The following APBB1IP variants were observed in gnomAD, a reference collection of about 807,000 sequenced individuals.
APBB1IP encodes the protein amyloid beta precursor protein binding family B member 1 interacting protein.
APBB1IP carries 27 observed loss-of-function variants against 64.9 expected under a neutral mutation model. The observed-to-expected ratio is 0.42, with a 90% CI of 0.31 to 0.57. The LOEUF (loss-of-function observed/expected upper bound fraction) is 0.57, where lower values mean the gene tolerates loss of function less well. Among genes scored for constraint, APBB1IP ranks in the 20% least tolerant of loss-of-function variants. The pLI, the probability that APBB1IP is intolerant of heterozygous loss-of-function variation, is 0.20. For synonymous variants in APBB1IP, 392 were observed against 331.0 expected, an observed-to-expected ratio of 1.18 and a Z score of -2.00; for missense variants, 812 against 845.5, an observed-to-expected ratio of 0.96 and a Z score of 0.49.
At chr10:26,514,750 T>G (rs1836303071) in intron 8 of APBB1IP, among the ~76,000 whole-genome samples, 1 of 152,106 alleles carries the variant, frequency 6.6e-6, no homozygotes, top group Non-Finnish European at 1.5e-5. Context: ...CTCCTATAAA[T>G]GCTATTTTCT....
At chr10:26,470,318 C>T (rs1278778349) in intron 2 of APBB1IP, among the ~76,000 whole-genome samples, 3 of 152,164 alleles carry the variant, frequency 2.0e-5, no homozygotes, top group Non-Finnish European at 4.4e-5. Flanking sequence ...AGGTGGATCA[C>T]CTGAGGACAG....
intron 11 of APBB1IP, among the ~76,000 whole-genome samples, chr10:26,554,828 C>T (rs1353408189): frequency 2.0e-5 from 3 of 152,256 alleles, no homozygotes; most frequent in Middle Eastern, 3.4e-3. Context: ...AGCAATCCAC[C>T]CACCTTGGCC....
chr10:26,470,697 C>T (rs577171478), intron 2 of APBB1IP, among the ~76,000 whole-genome samples: 5 of 152,282 alleles, frequency 3.3e-5, no homozygotes, highest in East Asian at 3.9e-4. Flanking sequence ...TTTCAATTTA[C>T]GATGGGTTTT....
chr10:26,504,576 G>A (rs1008526001), intron 6 of APBB1IP, among the ~76,000 whole-genome samples: 3 of 151,982 alleles, frequency 2.0e-5, no homozygotes, highest in African/African-American at 4.8e-5. Flanking sequence ...TGGACGCAGC[G>A]GTGTGCATCT....
intron 2 of APBB1IP, among the ~76,000 whole-genome samples, chr10:26,483,733 G>C (rs963339811): frequency 1.3e-5 from 2 of 152,014 alleles, no homozygotes; most frequent in Admixed American, 6.6e-5. Context: ...TTTATTTTGA[G>C]TCAGGGTCTT....
intron 8 of APBB1IP, among the ~76,000 whole-genome samples, chr10:26,529,957 G>A (rs948349049): frequency 1.3e-5 from 2 of 152,074 alleles, no homozygotes; most frequent in East Asian, 3.9e-4. Flanking sequence ...TCTTCATTAT[G>A]CTCTCTGTTC....
intron 10 of APBB1IP, among the ~76,000 whole-genome samples, chr10:26,536,763 G>T (rs1414471510): frequency 3.1e-5 from 4 of 128,774 alleles, no homozygotes; most frequent in African/African-American, 1.2e-4. Flanking sequence ...ATGCCACCAT[G>T]CCCAGCTGAT....
intron 2 of APBB1IP, among the ~76,000 whole-genome samples, chr10:26,487,711 A>G (rs953674349): frequency 2.6e-5 from 4 of 152,168 alleles, no homozygotes; most frequent in African/African-American, 9.7e-5. Context: ...TTAACCTGTT[A>G]TATAGCAGTG....
chr10:26,449,939 C>T (rs562115658), intron 2 of APBB1IP, among the ~76,000 whole-genome samples: 4 of 151,972 alleles, frequency 2.6e-5, no homozygotes, highest in East Asian at 1.9e-4. Flanking sequence ...CCCAGGAAGT[C>T]GAGCTGCAGA....
At chr10:26,502,641 C>CAA (rs201019385) in intron 5 of APBB1IP, among the ~76,000 whole-genome samples, 15 of 105,792 alleles carry the variant, frequency 1.4e-4, no homozygotes, top group African/African-American at 4.3e-4. Context: ...GACTCCATCT[C>CAA]AAAAAAAAAA....
intron 8 of APBB1IP, among the ~76,000 whole-genome samples, chr10:26,520,505 G>A (rs573838120): frequency 1.6e-4 from 24 of 152,276 alleles, no homozygotes; most frequent in East Asian, 9.6e-4. Flanking sequence ...CTTAACAGAC[G>A]TCTTTTACAA....
intron 11 of APBB1IP, among the ~76,000 whole-genome samples, chr10:26,555,740 AG>A (rs1836887171): frequency 6.6e-6 from 1 of 152,154 alleles, no homozygotes; most frequent in Non-Finnish European, 1.5e-5. Flanking sequence ...CTGGAACTAC[AG>A]GTGTGTGCCA....
intron 2 of APBB1IP, among the ~76,000 whole-genome samples, chr10:26,445,610 G>A (rs534331172): frequency 6.6e-6 from 1 of 152,212 alleles, no homozygotes; most frequent in Non-Finnish European, 1.5e-5. Context: ...TTCCAAGACT[G>A]TGCAGTTTAA....
chr10:26,512,816 C>T (rs192035825), intron 7 of APBB1IP, among the ~76,000 whole-genome samples: 114 of 152,122 alleles, frequency 7.5e-4, no homozygotes, highest in Non-Finnish European at 1.3e-3. Flanking sequence ...CTGGGTGGGA[C>T]GGAGAATTGC....
intron 6 of APBB1IP, among the ~76,000 whole-genome samples, chr10:26,510,548 C>T (rs186815102): frequency 5.9e-5 from 9 of 152,196 alleles, no homozygotes; most frequent in African/African-American, 2.2e-4. Context: ...ACATGGGCAA[C>T]ATAGTGAGAC....
chr10:26,506,984 G>A (rs907397891), intron 6 of APBB1IP, among the ~76,000 whole-genome samples: 4 of 152,156 alleles, frequency 2.6e-5, no homozygotes, highest in African/African-American at 7.2e-5. Flanking sequence ...GGTGCTGGGG[G>A]GCATTCCCGG....
At chr10:26,503,339 T>C (rs943813064) in intron 6 of APBB1IP, 65 bp downstream of exon 6, 2 of 1,558,470 alleles carry the variant, frequency 1.3e-6, no homozygotes, top group Admixed American at 1.8e-5. Context: ...TGCTTAATGA[T>C]AAAAAACAAA....
intron 2 of APBB1IP, among the ~76,000 whole-genome samples, chr10:26,487,277 G>T: frequency 6.7e-6 from 1 of 149,876 alleles, no homozygotes; most frequent in South Asian, 2.1e-4. Flanking sequence ...CGTACATATA[G>T]GCACAGCCCT....
chr10:26,450,379 T>A (rs1272981122), intron 2 of APBB1IP, among the ~76,000 whole-genome samples: 3 of 152,004 alleles, frequency 2.0e-5, no homozygotes, highest in Non-Finnish European at 2.9e-5. Flanking sequence ...TATTTTGACA[T>A]TTTGAAAAGA....
Sources: gnomAD v4.1 joint callset for allele counts (sites outside exome capture counted in the v4.1 genomes callset) on GRCh38, gnomAD v4.1.1 for gene constraint, MANE v1.5 for transcripts, NCBI Gene and HGNC (gene_info 2026-07-23, HGNC 2026-07-21) for gene names.